Variants in TWSG1 observed in about 807,000 individuals in gnomAD.
The protein encoded by TWSG1 is twisted gastrulation BMP signaling modulator 1.
TWSG1 carries 15 observed loss-of-function variants against 23.0 expected under a neutral mutation model. That is an observed-to-expected ratio of 0.65 (90% CI 0.44 to 1.00). The LOEUF is 1.00. Among genes scored for constraint, TWSG1 ranks in the 50% least tolerant of loss-of-function variants. The pLI is 0.00. For missense variants in TWSG1, 242 were observed against 278.7 expected, an observed-to-expected ratio of 0.87 and a Z score of 0.94; for synonymous variants, 86 against 92.8, an observed-to-expected ratio of 0.93 and a Z score of 0.42.
rs573010957 is a variant in TWSG1 at position 9,373,672 on chromosome 18, C to A, written c.223+13601C>A. On this transcript the variant is annotated intron_variant, in intron 3 of 4. Coordinates refer to ENST00000262120, the MANE Select transcript of TWSG1 (RefSeq NM_020648.6). ...GAATCAATAGGGACATGTTTGAACT[C>A]AAAAACACCATTAATCAGCTGAATA... is the stretch of plus-strand genomic sequence containing the variant. Among the ~76,000 whole-genome samples, 7 of 152,284 alleles carry A rather than the reference C, an allele frequency of 4.6e-5. No homozygotes were observed. The South Asian group carries it at 1.4e-3, about 32-fold the overall frequency.
intron 3 of TWSG1, among the ~76,000 whole-genome samples, chr18:9,374,103 CT>C (rs1434425642): frequency 6.6e-6 from 1 of 151,928 alleles, no homozygotes; most frequent in East Asian, 1.9e-4. Flanking sequence ...GACAAAAGAT[CT>C]AAAAATCAGT....
intron 2 of TWSG1, among the ~76,000 whole-genome samples, chr18:9,357,436 C>T (rs975205299): frequency 1.3e-5 from 2 of 152,070 alleles, no homozygotes; most frequent in African/African-American, 2.4e-5. Flanking sequence ...GAATTAAAAT[C>T]GGTGCTGCAA....
At chr18:9,370,780 A>G (rs1216016056) in intron 3 of TWSG1, among the ~76,000 whole-genome samples, 1 of 152,226 alleles carries the variant, frequency 6.6e-6, no homozygotes, top group African/African-American at 2.4e-5. Flanking sequence ...AATTTTCTTC[A>G]AGAACATTCA....
chr18:9,346,824 T>C (rs1420705241), intron 2 of TWSG1, among the ~76,000 whole-genome samples: 1 of 152,236 alleles, frequency 6.6e-6, no homozygotes, highest in East Asian at 1.9e-4. Context: ...GCATAAGTTT[T>C]CACTTCATTT....
chr18:9,343,210 T>A (rs1039628896), intron 2 of TWSG1, among the ~76,000 whole-genome samples: 5 of 132,118 alleles, frequency 3.8e-5, no homozygotes, highest in African/African-American at 8.6e-5. Context: ...TTGTTTTTTG[T>A]TATATATATA....
In TWSG1 at chr18:9,345,118, T is replaced by C. The variant is rs184107349; in HGVS notation, c.123+7766T>C. On this transcript the variant is annotated intron_variant, in intron 2 of 4. Coordinates refer to ENST00000262120, the MANE Select transcript of TWSG1 (RefSeq NM_020648.6). ...TTTTATTGTTGAGTTGTAAGAATTC[T>C]TTATATATTCTGGGCTCAAGACCCT... Among the ~76,000 whole-genome samples the C allele has an allele frequency of 5.4e-3, 824 of 152,320 alleles. 2 individuals are homozygous for C. The highest frequency in any genetic ancestry group is 0.018 in the South Asian group (85 of 4,830).
chr18:9,383,184 T>TTTTTTG (rs2040666568), intron 3 of TWSG1, among the ~76,000 whole-genome samples: 1 of 67,798 alleles, frequency 1.5e-5, no homozygotes, highest in African/African-American at 7.5e-5. Flanking sequence ...GAATTACACG[T>TTTTTTG]TTTTTTTTTG....
chr18:9,364,805 AAG>A (rs1491546260), intron 3 of TWSG1, among the ~76,000 whole-genome samples: 4 of 134,016 alleles, frequency 3.0e-5, no homozygotes, highest in South Asian at 2.5e-4. Context: ...GAAAAAAAAA[AAG>A]AAGAAGAAGA....
chr18:9,343,458 A>G (rs953579929), intron 2 of TWSG1, among the ~76,000 whole-genome samples: 2 of 151,950 alleles, frequency 1.3e-5, no homozygotes, highest in African/African-American at 4.8e-5. Context: ...AAATTTACCC[A>G]TTTAAGGGTA....
intron 3 of TWSG1, among the ~76,000 whole-genome samples, chr18:9,373,340 T>C (rs1383396902): frequency 1.3e-5 from 2 of 151,826 alleles, no homozygotes; most frequent in African/African-American, 4.8e-5. Context: ...ACCAGCCTGG[T>C]CAACATGGCG....
chr18:9,370,732 T>C (rs1455577628), intron 3 of TWSG1, among the ~76,000 whole-genome samples: 1 of 152,206 alleles, frequency 6.6e-6, no homozygotes, highest in Non-Finnish European at 1.5e-5. Context: ...CAGCCATAGA[T>C]GTTTTCTACT....
chr18:9,352,151 C>A (rs1178567261), intron 2 of TWSG1, among the ~76,000 whole-genome samples: 4 of 152,058 alleles, frequency 2.6e-5, no homozygotes, highest in Non-Finnish European at 5.9e-5. Flanking sequence ...TTGCCTTTTC[C>A]AGAATGTTAT....
chr18:9,396,028 A>T (rs73383464), intron 3 of TWSG1, among the ~76,000 whole-genome samples: 6,162 of 151,954 alleles, frequency 0.041, 410 homozygotes, highest in African/African-American at 0.14. Flanking sequence ...CCAGCCTTCA[A>T]ATCAGTCTTT....
chr18:9,357,253 T>G (rs992141345), intron 2 of TWSG1, among the ~76,000 whole-genome samples: 1 of 152,180 alleles, frequency 6.6e-6, no homozygotes, highest in Non-Finnish European at 1.5e-5. Context: ...GCAGCCTGAG[T>G]GTACAAAATT....
intron 3 of TWSG1, among the ~76,000 whole-genome samples, chr18:9,367,698 C>G (rs987150711): frequency 6.6e-6 from 1 of 152,130 alleles, no homozygotes; most frequent in Admixed American, 6.5e-5. Context: ...CGAGGGGTCT[C>G]AGTTGCATGC....
At chr18:9,364,394 G>T (rs546953556) in intron 3 of TWSG1, among the ~76,000 whole-genome samples, 1 of 152,224 alleles carries the variant, frequency 6.6e-6, no homozygotes, top group South Asian at 2.1e-4. Flanking sequence ...CATGAGTTCC[G>T]ACGGTGAAAG....
intron 2 of TWSG1, among the ~76,000 whole-genome samples, chr18:9,352,442 C>T (rs538364501): frequency 6.6e-6 from 1 of 152,214 alleles, no homozygotes; most frequent in Non-Finnish European, 1.5e-5. Flanking sequence ...TGAGTAAATA[C>T]CTAGGAATGG....
At chr18:9,347,385 G>T (rs1424868889) in intron 2 of TWSG1, among the ~76,000 whole-genome samples, 8 of 152,172 alleles carry the variant, frequency 5.3e-5, no homozygotes, top group Admixed American at 6.5e-5. Flanking sequence ...TGCCAGCTAA[G>T]ATTTAATAGG....
At chr18:9,386,094 G>A (rs879298855) in intron 3 of TWSG1, among the ~76,000 whole-genome samples, 10 of 151,896 alleles carry the variant, frequency 6.6e-5, no homozygotes, top group Non-Finnish European at 1.0e-4. Flanking sequence ...GCTTGATCCC[G>A]GGAGGCGGAG....
Sources: gnomAD v4.1 joint callset for allele counts (sites outside exome capture counted in the v4.1 genomes callset) on GRCh38, gnomAD v4.1.1 for gene constraint, MANE v1.5 for transcripts, NCBI Gene and HGNC (gene_info 2026-07-23, HGNC 2026-07-21) for gene names.